The following ACVR1B variants were observed in gnomAD, a reference collection of about 807,000 sequenced individuals.
ACVR1B encodes activin receptor type-1B.
In ACVR1B, 15 loss-of-function variants were observed where a neutral mutation model predicts 55.6. That is an observed-to-expected ratio of 0.27 (90% CI 0.18 to 0.42). The LOEUF (loss-of-function observed/expected upper bound fraction) is 0.42, where lower values mean the gene tolerates loss of function less well. ACVR1B is among the 10% of genes least tolerant of loss of function. The pLI is 1.00. For missense variants in ACVR1B, 359 were observed against 670.1 expected, an observed-to-expected ratio of 0.54 and a Z score of 5.13; for synonymous variants, 247 against 254.6, an observed-to-expected ratio of 0.97 and a Z score of 0.28.
In ACVR1B at chr12:51,983,994, T is replaced by C. The variant is rs368820549; in HGVS notation, c.812-5T>C. Reference sequence around the variant, plus strand: ...TTTCTGGGACTCATCTGTGGTTCTCTGCAGATAATGGCACCTGGACACAGC... The same window carrying C: ...TTTCTGGGACTCATCTGTGGTTCTCCGCAGATAATGGCACCTGGACACAGC... On this transcript the variant is annotated splice_region_variant and splice_polypyrimidine_tract_variant and intron_variant, in intron 4 of 8. Coordinates refer to ENST00000257963, the MANE Select transcript of ACVR1B (RefSeq NM_004302.5). 1 of 1,614,214 alleles carries C rather than the reference T, an allele frequency of 6.2e-7. No individual in the cohort carries two copies. Among genetic ancestry groups the C allele is most frequent in the Non-Finnish European group, 8.5e-7 (1 of 1,180,036 alleles).
At chr12:51,982,736 G>A in intron 4 of ACVR1B, 1 of 1,534,348 alleles carries the variant, frequency 6.5e-7, no homozygotes, top group African/African-American at 1.4e-5. Flanking sequence ...GGTCTCTGCT[G>A]CCCCCAAGCT....
At chr12:51,980,426 G>A (rs963775166) in intron 3 of ACVR1B, among the ~76,000 whole-genome samples, 2 of 152,148 alleles carry the variant, frequency 1.3e-5, no homozygotes, top group African/African-American at 2.4e-5. Context: ...AACATAGATG[G>A]TCCTCCATTC....
intron 7 of ACVR1B, among the ~76,000 whole-genome samples, chr12:51,990,311 G>GTTTTTTTT (rs1406264033): frequency 4.1e-5 from 3 of 73,492 alleles, no homozygotes; most frequent in African/African-American, 1.1e-4. Context: ...CAAATTTAGT[G>GTTTTTTTT]CTTTTTTTTT....
At chr12:51,974,395 A>G (rs981294894) in intron 1 of ACVR1B, among the ~76,000 whole-genome samples, 1 of 152,216 alleles carries the variant, frequency 6.6e-6, no homozygotes, top group Non-Finnish European at 1.5e-5. Context: ...AGAGGCGCCA[A>G]ATTCATTTGC....
intron 1 of ACVR1B, among the ~76,000 whole-genome samples, chr12:51,967,270 A>G (rs1296073136): frequency 6.6e-6 from 1 of 151,268 alleles, no homozygotes; most frequent in Non-Finnish European, 1.5e-5. Context: ...AACAAATAAA[A>G]ACATTAAAGG....
chr12:51,992,142 C>A (rs1361073615), intron 8 of ACVR1B, 149 bp downstream of exon 8: 8 of 1,004,318 alleles, frequency 8.0e-6, no homozygotes, highest in Non-Finnish European at 1.2e-5. Context: ...ATATCCCAAG[C>A]CCTTTAGGGC....
chr12:51,988,473 A>G (rs1464828480), intron 7 of ACVR1B, among the ~76,000 whole-genome samples: 1 of 152,238 alleles, frequency 6.6e-6, no homozygotes, highest in Non-Finnish European at 1.5e-5. Flanking sequence ...TCTCAAAGAA[A>G]AAACAAACAA....
chr12:51,952,099 G>C (rs1941309609), intron 1 of ACVR1B, among the ~76,000 whole-genome samples: 1 of 152,148 alleles, frequency 6.6e-6, no homozygotes, highest in Non-Finnish European at 1.5e-5. Flanking sequence ...GTTCTCAGGG[G>C]TCGCGCTCCC....
chr12:51,995,867 T>G lies in ACVR1B; in HGVS notation c.*1757T>G, dbSNP rs1385665967. On this transcript the variant is annotated 3_prime_UTR_variant, in exon 9 of 9. Transcript: ENST00000257963. ...GAGTGGTTTTTGCTCTAGGGCCCTT[T>G]CTTGCACTGTCCAGCTGGTTGTACC... is the stretch of plus-strand genomic sequence containing the variant. 2 of 152,686 alleles carry G rather than the reference T, an allele frequency of 1.3e-5. No homozygotes were observed. Among genetic ancestry groups the G allele is most frequent in the African/African-American group, 4.8e-5 (2 of 41,422 alleles). 9.5% of individuals were successfully genotyped at this position (152,686 alleles called of 1,614,324 possible).
intron 1 of ACVR1B, among the ~76,000 whole-genome samples, chr12:51,970,400 AC>A (rs1288300949): frequency 2.0e-5 from 3 of 152,206 alleles, no homozygotes; most frequent in Non-Finnish European, 4.4e-5. Flanking sequence ...AGACAGCTAT[AC>A]CTGCCTCAGC....
At chr12:51,954,059 T>C (rs1941363340) in intron 1 of ACVR1B, among the ~76,000 whole-genome samples, 1 of 152,162 alleles carries the variant, frequency 6.6e-6, no homozygotes, top group South Asian at 2.1e-4. Flanking sequence ...ACGTCAGTTC[T>C]GGGAAAATAG....
chr12:51,994,198 T>G lies in ACVR1B; in HGVS notation c.*88T>G. ...CGTACGATGGAGGCCTACCTCTCGT[T>G]TCTGCCCAGCCCTCTGTGGCCAGGA... On this transcript the variant is annotated 3_prime_UTR_variant, in exon 9 of 9. Transcript: ENST00000257963. The surrounding 1 kb of genome is among the most constrained non-coding windows in gnomAD (Gnocchi z 4.2). The G allele has an allele frequency of 6.4e-7, 1 of 1,551,958 alleles. No individual in the cohort carries two copies. Among genetic ancestry groups the G allele is most frequent in the East Asian group, 2.3e-5 (1 of 44,306 alleles).
rs1942057735 is a variant in ACVR1B, at chr12:51,985,445, AAGG to A, written c.1136+101_1136+103del. 4.1e-5 allele frequency: 59 copies of A among 1,429,320 alleles called. 1 individual carries two copies. Among genetic ancestry groups the A allele is most frequent in the East Asian group, 2.8e-4 (12 of 42,232 alleles). 88.5% of individuals were successfully genotyped at this position (1,429,320 alleles called of 1,614,324 possible). On this transcript the variant is annotated intron_variant, in intron 6 of 8. Coordinates refer to ENST00000257963, the MANE Select transcript of ACVR1B (RefSeq NM_004302.5). ...TGCGCAGGAGAAGGAGGTGTTGAAAAAGGAGGCGAGGACCTTGCTCTCAGCCCA... is the reference window on the plus strand; with the variant it reads ...TGCGCAGGAGAAGGAGGTGTTGAAAAAGGCGAGGACCTTGCTCTCAGCCCA...
At chr12:51,988,078 A>G (rs780448455) in intron 7 of ACVR1B, among the ~76,000 whole-genome samples, 1 of 152,258 alleles carries the variant, frequency 6.6e-6, no homozygotes, top group East Asian at 1.9e-4. Context: ...TCCAGCTTCC[A>G]TTTATGACAT....
chr12:51,991,996 A>G lies in ACVR1B; in HGVS notation c.1392+3A>G. 1.9e-6 allele frequency: 3 copies of G among 1,614,212 alleles called. No individual in the cohort carries two copies. In the South Asian group the frequency reaches 3.3e-5, roughly 18 times the overall value. On this transcript the variant is annotated splice_donor_region_variant and intron_variant, in intron 8 of 8. Coordinates refer to ENST00000257963, the MANE Select transcript of ACVR1B (RefSeq NM_004302.5). ...CCAACTGGTGGCAGAGTTATGAGGT[A>G]AGAAGCTGGCCTCCTGCGGCTTTCC...
Position 51,996,903 on chromosome 12 carries a change from T to C in ACVR1B, c.*2793T>C, listed in dbSNP as rs930902443. The C allele has an allele frequency of 1.3e-5, 2 of 152,652 alleles. No homozygotes were observed. Among genetic ancestry groups the C allele is most frequent in the African/African-American group, 4.8e-5 (2 of 41,462 alleles). The allele number at this position is 152,652 out of a possible 1,614,324, so 9.5% of individuals were successfully genotyped here. A position where few individuals can be genotyped will look rare whatever the true frequency, so the allele number is the denominator to read the frequency against. On this transcript the variant is annotated 3_prime_UTR_variant, in exon 9 of 9. Coordinates refer to ENST00000257963, the MANE Select transcript of ACVR1B (RefSeq NM_004302.5). ...AAAGGCCCCCGAACGGCATTCTCGG[T>C]ACTTCTGTTTGTTTTTGTACATTTT...
intron 1 of ACVR1B, among the ~76,000 whole-genome samples, chr12:51,970,800 G>A (rs951715691): frequency 6.6e-6 from 1 of 152,096 alleles, no homozygotes; most frequent in Non-Finnish European, 1.5e-5. Context: ...AATCTCTAGC[G>A]TACCTAAACA....
intron 1 of ACVR1B, among the ~76,000 whole-genome samples, chr12:51,970,386 AG>A (rs766518501): frequency 6.6e-6 from 1 of 152,350 alleles, no homozygotes; most frequent in East Asian, 1.9e-4. Context: ...CTATCCATAA[AG>A]TGAGACAGCT....
intron 1 of ACVR1B, chr12:51,953,496 T>G (rs938169410): frequency 2.0e-6 from 2 of 985,168 alleles, no homozygotes; most frequent in African/African-American, 1.7e-5. Context: ...GCTTGACATT[T>G]GTGGTGAGAT....
Sources: gnomAD v4.1 joint callset for allele counts (sites outside exome capture counted in the v4.1 genomes callset) on GRCh38, gnomAD v4.1.1 for gene constraint, Gnocchi (gnomAD v3.1) non-coding constraint, MANE v1.5 for transcripts, NCBI Gene and HGNC (gene_info 2026-07-23, HGNC 2026-07-21) for gene names.